Variants in PGGT1B observed in about 807,000 individuals in gnomAD.
PGGT1B encodes geranylgeranyl transferase type-1 subunit beta.
A neutral mutation model predicts 46.1 loss-of-function variants in PGGT1B; 30 were observed. The ratio of observed to expected loss-of-function variants is 0.65; its 90% CI spans 0.49 to 0.88. The LOEUF (loss-of-function observed/expected upper bound fraction) is 0.88, where lower values mean the gene tolerates loss of function less well. Ranked by LOEUF, PGGT1B falls within the 40% of genes least tolerant of loss-of-function variation. The pLI is 0.00. For synonymous variants in PGGT1B, 170 were observed against 160.0 expected (o/e 1.06, Z -0.47); for missense variants, 376 against 455.9 (o/e 0.82, Z 1.60).
chr5:115,222,715 G>C (rs550709380), intron 6 of PGGT1B, among the ~76,000 whole-genome samples: 8 of 152,210 alleles, frequency 5.3e-5, no homozygotes, highest in African/African-American at 1.7e-4. Flanking sequence ...GCAAAGACTT[G>C]GAATCAACCC....
At chr5:115,226,551 T>C (rs1232057206) in intron 6 of PGGT1B, among the ~76,000 whole-genome samples, 2 of 110,468 alleles carry the variant, frequency 1.8e-5, no homozygotes, top group Non-Finnish European at 3.5e-5. Flanking sequence ...AATATATATA[T>C]ATAAAATAAT....
At chr5:115,252,914 G>A (rs1347695818) in intron 2 of PGGT1B, 2 of 476,302 alleles carry the variant, frequency 4.2e-6, no homozygotes, top group African/African-American at 4.1e-5. Flanking sequence ...CCACAACTGT[G>A]AATCTCTATT....
chr5:115,209,882 G>T lies in PGGT1B; in HGVS notation c.*2520C>A, dbSNP rs977973785. On this transcript the variant is annotated 3_prime_UTR_variant, in exon 9 of 9. Coordinates refer to ENST00000419445, the MANE Select transcript of PGGT1B (RefSeq NM_005023.4). ...TTATTTTATCCACGGCAGAGTTAGGGTCCAAGATCATGCTGCTGAACTGGC... is the reference window on the plus strand; with the variant it reads ...TTATTTTATCCACGGCAGAGTTAGGTTCCAAGATCATGCTGCTGAACTGGC... The T allele has an allele frequency of 1.3e-5, 2 of 151,948 alleles. No individual in the cohort carries two copies. Among genetic ancestry groups the T allele is most frequent in the African/African-American group, 2.4e-5 (1 of 41,380 alleles). 9.4% of individuals were successfully genotyped at this position (151,948 alleles called of 1,614,324 possible). A position where few individuals can be genotyped will look rare whatever the true frequency, so the allele number is the denominator to read the frequency against.
rs1425571962 is a variant in PGGT1B, at chr5:115,231,040, G to C, written c.613-19C>G. ...CATAGGACTGAAAAAGAAAAACATT[G>C]TTCAGTTTAATAGGGAAATAATAAT... On this transcript the variant is annotated intron_variant, in intron 5 of 8. Coordinates refer to ENST00000419445, the MANE Select transcript of PGGT1B (RefSeq NM_005023.4). The C allele has an allele frequency of 6.9e-7, 1 of 1,446,694 alleles. No homozygotes were observed. Among genetic ancestry groups the C allele is most frequent in the Non-Finnish European group, 9.5e-7 (1 of 1,055,366 alleles). 89.6% of individuals were successfully genotyped at this position (1,446,694 alleles called of 1,614,324 possible).
At chr5:115,257,609 T>C (rs180983802) in intron 1 of PGGT1B, among the ~76,000 whole-genome samples, 2 of 150,922 alleles carry the variant, frequency 1.3e-5, no homozygotes, top group East Asian at 3.9e-4. Context: ...CATACTGATA[T>C]AAGAAATATA....
intron 1 of PGGT1B, chr5:115,262,462 T>G: frequency 2.0e-6 from 1 of 501,860 alleles, no homozygotes; most frequent in East Asian, 3.4e-5. Flanking sequence ...CAGCTCAGAG[T>G]TGCCAGAAGA....
intron 2 of PGGT1B, among the ~76,000 whole-genome samples, chr5:115,250,088 A>C (rs573460122): frequency 3.0e-4 from 45 of 152,290 alleles, no homozygotes; most frequent in African/African-American, 1.1e-3. Flanking sequence ...CAAATTCATC[A>C]CTTATTTATC....
chr5:115,215,291 C>T (rs1434420966), intron 8 of PGGT1B, among the ~76,000 whole-genome samples: 1 of 150,596 alleles, frequency 6.6e-6, no homozygotes, highest in East Asian at 2.0e-4. Context: ...CCACTGCACC[C>T]GGCCATTTAT....
intron 6 of PGGT1B, among the ~76,000 whole-genome samples, chr5:115,226,092 T>C (rs867396207): frequency 1.0e-5 from 1 of 95,430 alleles, no homozygotes; most frequent in Non-Finnish European, 2.3e-5. Flanking sequence ...GGGGTGGGGG[T>C]GGGGGCAGCG....
Position 115,205,926 on chromosome 5 carries a change from A to C in PGGT1B, c.*6476T>G, listed in dbSNP as rs868120688. ...CAATATTTTTGTAGTTGTGAAAAAT[A>C]AGGCACTGATTAATCAGTGCCTCAT... On this transcript the variant is annotated 3_prime_UTR_variant, in exon 9 of 9. Coordinates refer to ENST00000419445, the MANE Select transcript of PGGT1B (RefSeq NM_005023.4). The C allele has an allele frequency of 2.4e-5, 2 of 83,296 alleles. No homozygotes were observed. Among genetic ancestry groups the C allele is most frequent in the African/African-American group, 1.6e-4 (2 of 12,286 alleles). The allele number at this position is 83,296 out of a possible 1,614,324, so 5.2% of individuals were successfully genotyped here.
intron 7 of PGGT1B, among the ~76,000 whole-genome samples, chr5:115,220,676 T>G (rs535739074): frequency 6.6e-6 from 1 of 151,904 alleles, no homozygotes; most frequent in African/African-American, 2.4e-5. Context: ...CCTCTTGATG[T>G]GATACAATAG....
chr5:115,256,276 A>C (rs888790246), intron 1 of PGGT1B, among the ~76,000 whole-genome samples: 4 of 152,296 alleles, frequency 2.6e-5, no homozygotes, highest in Admixed American at 6.5e-5. Context: ...CTGGCCTAAA[A>C]TGTTAATAGT....
rs1756200557 is a variant in PGGT1B, at chr5:115,210,928, T to C, written c.*1474A>G. The C allele has an allele frequency of 6.6e-6, 1 of 152,098 alleles. No individual in the cohort carries two copies. Among genetic ancestry groups the C allele is most frequent in the South Asian group, 2.1e-4 (1 of 4,834 alleles). 9.4% of individuals were successfully genotyped at this position (152,098 alleles called of 1,614,324 possible). ...GCAAACTCAGGTTTAAAACTAAGCA[T>C]GCCAATAATAAATCAATCATTTCTC... On this transcript the variant is annotated 3_prime_UTR_variant, in exon 9 of 9. Coordinates refer to ENST00000419445, the MANE Select transcript of PGGT1B (RefSeq NM_005023.4).
intron 6 of PGGT1B, among the ~76,000 whole-genome samples, chr5:115,229,018 A>G (rs758527462): frequency 2.7e-4 from 41 of 152,102 alleles, no homozygotes; most frequent in Non-Finnish European, 4.3e-4. Context: ...AAAAAGAGAG[A>G]ACACAATGAC....
intron 8 of PGGT1B, 56 bp downstream of exon 8, chr5:115,216,809 C>T: frequency 2.3e-6 from 2 of 853,294 alleles, no homozygotes; most frequent in Non-Finnish European, 4.0e-6. Context: ...GATAAAGATG[C>T]TTGAAGATCT....
chr5:115,248,205 T>C (rs550483734), intron 2 of PGGT1B, among the ~76,000 whole-genome samples: 1 of 152,266 alleles, frequency 6.6e-6, no homozygotes, highest in African/African-American at 2.4e-5. Flanking sequence ...TGTAAAGCTA[T>C]AAGACAGTCT....
rs10551500 is a variant in PGGT1B at position 115,242,965 on chromosome 5, GAAA to G, written c.260-1362_260-1360del. On this transcript the variant is annotated intron_variant, in intron 2 of 8. Transcript: ENST00000419445. The stretch of plus-strand genomic sequence containing the variant: ...CTGGGCGACAGAGTCAAACTGTCTT[GAAA>G]AAAAAAAAAGATACTAATGGTGATT... Among the ~76,000 whole-genome samples, 14 of 146,922 alleles carry G rather than the reference GAAA, an allele frequency of 9.5e-5. 1 individual carries two copies. The highest frequency in any genetic ancestry group is 8.8e-4 in the Admixed American group (13 of 14,696).
intron 4 of PGGT1B, 80 bp from the exon 5 acceptor site, chr5:115,236,602 G>T (rs982807279): frequency 1.2e-6 from 1 of 824,488 alleles, no homozygotes; most frequent in Admixed American, 3.2e-5. Context: ...AACACCTCCT[G>T]CTTGTCTTTA....
chr5:115,220,913 G>C (rs1257552394), intron 7 of PGGT1B, among the ~76,000 whole-genome samples: 2 of 151,902 alleles, frequency 1.3e-5, no homozygotes, highest in African/African-American at 4.8e-5. Flanking sequence ...GATGAAGAAA[G>C]GGTAGCTTTC....
Sources: gnomAD v4.1 joint callset for allele counts (sites outside exome capture counted in the v4.1 genomes callset) on GRCh38, gnomAD v4.1.1 for gene constraint, MANE v1.5 for transcripts, NCBI Gene and HGNC (gene_info 2026-07-23, HGNC 2026-07-21) for gene names.